BRIP1: variants seen among roughly 807,000 people sequenced by gnomAD.
BRIP1 encodes the protein BRCA1 interacting DNA helicase 1.
Under a neutral mutation model 119.7 loss-of-function variants are expected in BRIP1, and 88 were observed. The observed-to-expected ratio is 0.74, with a 90% CI of 0.62 to 0.88. The LOEUF is 0.88. BRIP1 is among the 40% of genes least tolerant of loss of function. The pLI is 0.00. For synonymous variants in BRIP1, 443 were observed against 496.5 expected, an observed-to-expected ratio of 0.89 and a Z score of 1.43; for missense variants, 1,259 against 1,455.4, an observed-to-expected ratio of 0.87 and a Z score of 2.20.
rs1489230406 is a variant in BRIP1, at chr17:61,754,751, C to A, written c.2098-10160G>T. 1.3e-5 allele frequency among the ~76,000 whole-genome samples: 2 copies of A among 152,152 alleles called. No homozygotes were observed. On this transcript the variant is annotated intron_variant, in intron 14 of 19. Transcript: ENST00000259008. This position sits in a 1 kb window ranked among gnomAD's most constrained non-coding sequence, Gnocchi z 4.1. ...GGCTCTCTTCTTGGCTTGCAGACAG[C>A]CACCTTCTGTGTCCTCACATGGCCT... is the stretch of plus-strand genomic sequence containing the variant.
chr17:61,778,315 T>C lies in BRIP1; in HGVS notation c.1936-1753A>G, dbSNP rs1200366228. Among the ~76,000 whole-genome samples, 4 of 152,152 alleles carry C rather than the reference T, an allele frequency of 2.6e-5. No homozygotes were observed. Among genetic ancestry groups the C allele is most frequent in the African/African-American group, 9.7e-5 (4 of 41,444 alleles). ...ATAGAAACAGAAAGCAGAATGGTAG[T>C]TACCAGGAGCTGAGGAGAGGGGGAG... On this transcript the variant is annotated intron_variant, in intron 13 of 19. Transcript: ENST00000259008. The surrounding 1 kb of genome is among the most constrained non-coding windows in gnomAD (Gnocchi z 4.4).
At chr17:61,714,361 G>T (rs1603292629) in intron 17 of BRIP1, among the ~76,000 whole-genome samples, 2 of 152,000 alleles carry the variant, frequency 1.3e-5, no homozygotes, top group South Asian at 4.1e-4. Context: ...ATATACATTT[G>T]TACCATTTTT....
intron 17 of BRIP1, among the ~76,000 whole-genome samples, chr17:61,702,243 T>C (rs1050563609): frequency 4.0e-5 from 6 of 151,406 alleles, no homozygotes; most frequent in Admixed American, 3.3e-4. Context: ...GATATTGATC[T>C]ATAGTTGTTG....
intron 6 of BRIP1, among the ~76,000 whole-genome samples, chr17:61,818,310 T>A (rs1423096294): frequency 6.6e-6 from 1 of 152,172 alleles, no homozygotes; most frequent in African/African-American, 2.4e-5. Context: ...TCCACCTACT[T>A]ACTCTGAAAT....
rs920651447 is a variant in BRIP1, at chr17:61,780,231, G to T, written c.1935+30C>A. 5 of 1,595,578 alleles carry T rather than the reference G, an allele frequency of 3.1e-6. No individual in the cohort carries two copies. The highest frequency in any genetic ancestry group is 2.2e-5 in the East Asian group (1 of 44,648). ...GTTATATTGAAGTAGAAACACTGAA[G>T]GCCTTCCAAAAAAAAAAACAACAAC... On this transcript the variant is annotated intron_variant, in intron 13 of 19. Transcript: ENST00000259008. This position sits in a 1 kb window ranked among gnomAD's most constrained non-coding sequence, Gnocchi z 5.4.
At position 61,841,679 on chromosome 17, in the gene BRIP1, T is replaced by C. The variant is rs1045874200; in HGVS notation, c.627+5422A>G. ...TAAAAATATTACTACCATATAATCA[T>C]ATAATCCAGCAATCCTACTACTATT... On this transcript the variant is annotated intron_variant, in intron 6 of 19. Transcript: ENST00000259008. The surrounding 1 kb of genome is among the most constrained non-coding windows in gnomAD (Gnocchi z 4.1). Among the ~76,000 whole-genome samples, 2 of 152,122 alleles carry C rather than the reference T, an allele frequency of 1.3e-5. No homozygotes were observed. Among genetic ancestry groups the C allele is most frequent in the African/African-American group, 4.8e-5 (2 of 41,426 alleles).
At chr17:61,787,396 A>ATT (rs1414628081) in intron 10 of BRIP1, among the ~76,000 whole-genome samples, 1 of 137,518 alleles carries the variant, frequency 7.3e-6, no homozygotes, top group African/African-American at 2.7e-5. Context: ...TATAGTATAT[A>ATT]TATTTATATA....
Position 61,801,274 on chromosome 17 carries a change from T to C in BRIP1, c.1119A>G (p.Leu373=). ...TCACACTTTCCCTTATTTGTGCATC[T>C]AGAAGATAGTTGTAGGGACAAAATA... ...DIIFCPYNYL[L]DAQIRESMDL... The change falls in exon 8 of 20, where the codon CTA becomes CTG. Residue 373 remains leucine, a synonymous_variant. Coordinates refer to ENST00000259008, the MANE Select transcript of BRIP1 (RefSeq NM_032043.3). The C allele has an allele frequency of 6.2e-7, 1 of 1,613,600 alleles. No individual in the cohort carries two copies. The highest frequency in any genetic ancestry group is 8.5e-7 in the Non-Finnish European group (1 of 1,179,508).
chr17:61,727,515 C>T (rs2076781670), intron 16 of BRIP1, among the ~76,000 whole-genome samples: 1 of 151,926 alleles, frequency 6.6e-6, no homozygotes. Context: ...GTTTATAATC[C>T]CAGCACTTTG....
At chr17:61,707,649 T>C (rs1175087604) in intron 17 of BRIP1, among the ~76,000 whole-genome samples, 1 of 152,178 alleles carries the variant, frequency 6.6e-6, no homozygotes, top group Non-Finnish European at 1.5e-5. Context: ...ATTGTTGGTA[T>C]CATGTTAATT....
chr17:61,787,181 A>T (rs1354153329), intron 10 of BRIP1, among the ~76,000 whole-genome samples: 1 of 75,398 alleles, frequency 1.3e-5, no homozygotes, highest in African/African-American at 5.3e-5. Flanking sequence ...AATATATAAA[A>T]ATATATTATA....
chr17:61,736,249 G>A lies in BRIP1; in HGVS notation c.2379+6764C>T, dbSNP rs144126186. Among the ~76,000 whole-genome samples, 1 of 151,966 alleles carries A rather than the reference G, an allele frequency of 6.6e-6. No homozygotes were observed. Among genetic ancestry groups the A allele is most frequent in the Admixed American group, 6.6e-5 (1 of 15,258 alleles). On this transcript the variant is annotated intron_variant, in intron 16 of 19. Coordinates refer to ENST00000259008, the MANE Select transcript of BRIP1 (RefSeq NM_032043.3). This position sits in a 1 kb window ranked among gnomAD's most constrained non-coding sequence, Gnocchi z 4.4. The stretch of plus-strand genomic sequence containing the variant: ...AGACTGAGGCAGGAGGATCAATTGA[G>A]CCCATGAGCTCAAGGCTGCAGTGAG...
chr17:61,718,219 G>A (rs371741571), intron 16 of BRIP1, among the ~76,000 whole-genome samples: 47 of 152,196 alleles, frequency 3.1e-4, no homozygotes, highest in African/African-American at 1.1e-3. Flanking sequence ...TGGGCATTAA[G>A]TCAGTGGTTA....
rs1013947406 is a variant in BRIP1 at position 61,806,131 on chromosome 17, C to G, written c.918+2336G>C. 2.6e-5 allele frequency among the ~76,000 whole-genome samples: 4 copies of G among 152,188 alleles called. No homozygotes were observed. Among genetic ancestry groups the G allele is most frequent in the Admixed American group, 2.0e-4 (3 of 15,268 alleles). ...AGAATGACACCCCTCTGCAGGCTGACAGCAAAACCAGAAAAGCTCATCCAT... is the reference window on the plus strand; with the variant it reads ...AGAATGACACCCCTCTGCAGGCTGAGAGCAAAACCAGAAAAGCTCATCCAT... On this transcript the variant is annotated intron_variant, in intron 7 of 19. Transcript: ENST00000259008. The surrounding 1 kb of genome is among the most constrained non-coding windows in gnomAD (Gnocchi z 4.9).
intron 14 of BRIP1, among the ~76,000 whole-genome samples, chr17:61,750,211 T>G (rs552320416): frequency 8.1e-4 from 124 of 152,332 alleles, no homozygotes; most frequent in African/African-American, 2.8e-3. Context: ...TGTTGAGAAT[T>G]TGTATCATGA....
At position 61,683,384 on chromosome 17, in the gene BRIP1, A is replaced by C. The variant is rs778805688; in HGVS notation, c.3662T>G (p.Leu1221Arg). 1 of 1,613,080 alleles carries C rather than the reference A, an allele frequency of 6.2e-7. No individual in the cohort carries two copies. Among genetic ancestry groups the C allele is most frequent in the Non-Finnish European group, 8.5e-7 (1 of 1,179,506 alleles). ...TATTTCATGAGTTTTTCCCAGTTCC[A>C]GTTCATTTATCCAAGTTGTTTTTAC... ...GNVKTTWINE[L>R]ELGKTHEIEI... The change falls in exon 20 of 20, where the codon CTG becomes CGG. Residue 1221 changes from leucine to arginine, a missense_variant. Coordinates refer to ENST00000259008, the MANE Select transcript of BRIP1 (RefSeq NM_032043.3). This position sits in a 1 kb window ranked among gnomAD's most constrained non-coding sequence, Gnocchi z 4.7.
At chr17:61,773,678 T>TCTAC (rs1236116509) in intron 14 of BRIP1, among the ~76,000 whole-genome samples, 7 of 152,066 alleles carry the variant, frequency 4.6e-5, no homozygotes, top group African/African-American at 1.7e-4. Flanking sequence ...ATTTTTGCGA[T>TCTAC]CTACCCATCT....
chr17:61,781,549 G>T (rs1366911269), intron 11 of BRIP1, among the ~76,000 whole-genome samples: 1 of 152,168 alleles, frequency 6.6e-6, no homozygotes, highest in East Asian at 1.9e-4. Context: ...TAATGAAGGT[G>T]CTGAACCAGA....
At position 61,693,499 on chromosome 17, in the gene BRIP1, T is replaced by G. The variant is rs1348941968; in HGVS notation, c.2506A>C (p.Arg836=). 6.2e-7 allele frequency: 1 copy of G among 1,612,724 alleles called. No individual in the cohort carries two copies. The highest frequency in any genetic ancestry group is 8.5e-7 in the Non-Finnish European group (1 of 1,178,766). The change falls in exon 18 of 20, where the codon AGA becomes CGA. Residue 836 remains arginine, a synonymous_variant. Transcript: ENST00000259008. The surrounding 1 kb of genome is among the most constrained non-coding windows in gnomAD (Gnocchi z 4.2). ...AGAATAAGAGCTCCCCAATCATTTCTGTGTCTAATACATCTAGAAAAAATA... is the reference window on the plus strand; with the variant it reads ...AGAATAAGAGCTCCCCAATCATTTCGGTGTCTAATACATCTAGAAAAAATA... ...NQALGRCIRH[R]NDWGALILVD...
Sources: gnomAD v4.1 joint callset for allele counts (sites outside exome capture counted in the v4.1 genomes callset) on GRCh38, gnomAD v4.1.1 for gene constraint, Gnocchi (gnomAD v3.1) non-coding constraint, MANE v1.5 for transcripts, NCBI Gene and HGNC (gene_info 2026-07-23, HGNC 2026-07-21) for gene names.